The following FAM200B variants were observed in gnomAD, a reference collection of about 807,000 sequenced individuals.
FAM200B encodes the protein protein FAM200B.
In FAM200B, 32 loss-of-function variants were observed where a neutral mutation model predicts 33.1. The ratio of observed to expected loss-of-function variants is 0.97; its 90% CI spans 0.73 to 1.30. The LOEUF (loss-of-function observed/expected upper bound fraction) is 1.30. Ranked by LOEUF, FAM200B falls within the 50% of genes most tolerant of loss-of-function variation. FAM200B has a pLI of 0.00. For missense variants in FAM200B, 741 were observed against 754.0 expected, an observed-to-expected ratio of 0.98 and a Z score of 0.20; for synonymous variants, 240 against 264.8, an observed-to-expected ratio of 0.91 and a Z score of 0.91.
upstream of FAM200B, among the ~76,000 whole-genome samples, chr4:15,677,259 T>C (rs867309266): frequency 1.8e-4 from 28 of 152,232 alleles, no homozygotes; most frequent in African/African-American, 6.5e-4. Context: ...TACTCTTCTG[T>C]GGTATAATAA....
At chr4:15,683,861 T>G (rs1264968023) in intron 1 of FAM200B, among the ~76,000 whole-genome samples, 1 of 152,342 alleles carries the variant, frequency 6.6e-6, no homozygotes, top group East Asian at 1.9e-4. Flanking sequence ...ACTACAGGTG[T>G]CATTAATTTT....
the FAM200B span, among the ~76,000 whole-genome samples, chr4:15,650,629 T>C: frequency 4.6e-5 from 7 of 151,542 alleles, no homozygotes; most frequent in African/African-American, 1.7e-4. Flanking sequence ...CATGATATCT[T>C]CCACATTTTA....
rs1042398618 is a variant in FAM200B at position 15,687,720 on chromosome 4, C to T, written c.743C>T (p.Ala248Val). 4.0e-5 allele frequency: 62 copies of T among 1,550,708 alleles called. No individual in the cohort carries two copies. The highest frequency in any genetic ancestry group is 5.5e-5 in the African/African-American group (4 of 73,078). ...ACACTTTTAGTTTATGTCAGATATGCGTGGCAAGATGATTTTTTGGAGGAT... is the reference window on the plus strand; with the variant it reads ...ACACTTTTAGTTTATGTCAGATATGTGTGGCAAGATGATTTTTTGGAGGAT... The part of the protein sequence containing the change: ...CTTLLVYVRY[A>V]WQDDFLEDFL... The change falls in exon 2 of 2, where the codon GCG (alanine) becomes GTG (valine). Residue 248 changes from alanine (A) to valine (V), a missense_variant. By Grantham distance (64) the Ala-to-Val change is moderately conservative. Coordinates refer to ENST00000422728, the MANE Select transcript of FAM200B (RefSeq NM_001145191.2).
chr4:15,678,917 A>G (rs564367611), upstream of FAM200B, among the ~76,000 whole-genome samples: 1 of 152,306 alleles, frequency 6.6e-6, no homozygotes, highest in Middle Eastern at 3.4e-3. Flanking sequence ...AATTGATATA[A>G]TGAACAAATG....
the FAM200B span, among the ~76,000 whole-genome samples, chr4:15,667,338 T>C: frequency 1.3e-5 from 2 of 152,208 alleles, no homozygotes; most frequent in Admixed American, 6.5e-5. Context: ...AAGTTTTAAC[T>C]CATATTAAAC....
the FAM200B span, among the ~76,000 whole-genome samples, chr4:15,646,941 G>T: frequency 2.0e-5 from 3 of 151,896 alleles, no homozygotes; most frequent in Non-Finnish European, 4.4e-5. Flanking sequence ...GATTGAAAAA[G>T]GCTGGGCATG....
the FAM200B span, chr4:15,655,253 G>A: frequency 2.1e-6 from 3 of 1,443,844 alleles, no homozygotes; most frequent in African/African-American, 2.9e-5. Context: ...GTGTGGGGCG[G>A]TGAAGACGTC....
chr4:15,651,652 TTACTC>T, the FAM200B span, among the ~76,000 whole-genome samples: 2 of 152,200 alleles, frequency 1.3e-5, no homozygotes, highest in Non-Finnish European at 2.9e-5. Flanking sequence ...TATATTCAAA[TTACTC>T]TAAGCTTCTT....
chr4:15,655,073 G>A, the FAM200B span: 72,662 of 610,762 alleles, frequency 0.12, 4,731 homozygotes, highest in Non-Finnish European at 0.13. Context: ...GCTGACAGCT[G>A]CGCAGGCGGC....
chr4:15,680,096 C>T (rs116760799), upstream of FAM200B, among the ~76,000 whole-genome samples: 1,313 of 151,412 alleles, frequency 8.7e-3, 21 homozygotes, highest in Non-Finnish European at 0.012. Flanking sequence ...GGAGGAATAT[C>T]CAGAATATAC....
In FAM200B at chr4:15,687,048, C is replaced by T. The variant is rs1319608241; in HGVS notation, c.71C>T (p.Ser24Phe). ...TATACAGAAGCATGTTCAAGTTCAT[C>T]TGTTGAATCTGGAATTGTGAATAGT... ...VKYTEACSSSSVESGIVNSDN... is the reference protein window; with the variant it reads ...VKYTEACSSSFVESGIVNSDN... Residue 24 changes from serine to phenylalanine, a missense_variant, in exon 2 of 2, where the codon TCT (serine) becomes TTT (phenylalanine). By Grantham distance (155) the Ser-to-Phe change is radical. Transcript: ENST00000422728. 2 of 1,527,994 alleles carry T rather than the reference C, an allele frequency of 1.3e-6. No homozygotes were observed. The highest frequency in any genetic ancestry group is 2.0e-5 in the Admixed American group (1 of 48,784). The allele number at this position is 1,527,994 out of a possible 1,614,324, so 94.7% of individuals were successfully genotyped here.
chr4:15,651,079 T>C, the FAM200B span, among the ~76,000 whole-genome samples: 6 of 152,186 alleles, frequency 3.9e-5, no homozygotes, highest in Non-Finnish European at 7.3e-5. Context: ...AAAACACATA[T>C]ATTATTCCCC....
the FAM200B span, among the ~76,000 whole-genome samples, chr4:15,649,598 G>C: frequency 7.6e-6 from 1 of 130,948 alleles, no homozygotes; most frequent in African/African-American, 2.7e-5. Flanking sequence ...AAAAAAAAAA[G>C]AAAGAAAGAA....
Position 15,689,402 on chromosome 4 carries a change from A to C in FAM200B, c.*451A>C, listed in dbSNP as rs949927843. The C allele has an allele frequency of 1.8e-5, 3 of 167,448 alleles. No homozygotes were observed. Among genetic ancestry groups the C allele is most frequent in the Non-Finnish European group, 4.4e-5 (3 of 68,398 alleles). The allele number at this position is 167,448 out of a possible 1,614,324, so 10.4% of individuals were successfully genotyped here. On this transcript the variant is annotated 3_prime_UTR_variant, in exon 2 of 2. Coordinates refer to ENST00000422728, the MANE Select transcript of FAM200B (RefSeq NM_001145191.2). The stretch of plus-strand genomic sequence containing the variant: ...AACAGTTGAAGGGTTTAAGCGAAGG[A>C]GAGAAATGATCTGAGCTAGGTTTTA...
At chr4:15,655,722 C>T in the FAM200B span, among the ~76,000 whole-genome samples, 1 of 152,216 alleles carries the variant, frequency 6.6e-6, no homozygotes, top group Non-Finnish European at 1.5e-5. Flanking sequence ...GTCAGGGCCG[C>T]GAGCTCTGCT....
At position 15,688,806 on chromosome 4, in the gene FAM200B, T is replaced by C; in HGVS notation, c.1829T>C (p.Leu610Ser). 1 of 1,551,446 alleles carries C rather than the reference T, an allele frequency of 6.4e-7. No homozygotes were observed. Among genetic ancestry groups the C allele is most frequent in the East Asian group, 2.4e-5 (1 of 40,906 alleles). ...TTGCTACCATTCACAACAACTAGTT[T>C]GTGTGAACTAGGGTTTTCCATCTTA... Reference protein sequence around the residue: ...LLLLPFTTTSLCELGFSILTQ... With the variant: ...LLLLPFTTTSSCELGFSILTQ... The change falls in exon 2 of 2, where the codon TTG (leucine) becomes TCG (serine). Residue 610 changes from leucine to serine, a missense_variant. Coordinates refer to ENST00000422728, the MANE Select transcript of FAM200B (RefSeq NM_001145191.2).
Position 15,688,832 on chromosome 4 carries a change from A to G in FAM200B, c.1855A>G (p.Thr619Ala), listed in dbSNP as rs760865369. Residue 619 changes from threonine (T) to alanine (A), a missense_variant, in exon 2 of 2, where the codon ACG (threonine) becomes GCG (alanine). Transcript: ENST00000422728. ...GTGTGAACTAGGGTTTTCCATCTTA[A>G]CGCAGTTAAAAACAAAGGAAAGAAA... ...SLCELGFSIL[T>A]QLKTKERNGL... is the part of the protein sequence containing the mutation. 65 of 1,551,390 alleles carry G rather than the reference A, an allele frequency of 4.2e-5. No individual in the cohort carries two copies. The highest frequency in any genetic ancestry group is 5.9e-5 in the Admixed American group (3 of 50,984).
At chr4:15,672,994 T>G in the FAM200B span, among the ~76,000 whole-genome samples, 2 of 152,166 alleles carry the variant, frequency 1.3e-5, no homozygotes, top group Non-Finnish European at 2.9e-5. Flanking sequence ...CACTTCCAGA[T>G]TTTGTCACCC....
chr4:15,638,036 T>C, the FAM200B span, among the ~76,000 whole-genome samples: 9 of 151,212 alleles, frequency 6.0e-5, no homozygotes, highest in African/African-American at 2.2e-4. Context: ...AAATAATACA[T>C]AGGAAAGGAT....
Sources: gnomAD v4.1 joint callset for allele counts (sites outside exome capture counted in the v4.1 genomes callset) on GRCh38, gnomAD v4.1.1 for gene constraint, MANE v1.5 for transcripts, NCBI Gene and HGNC (gene_info 2026-07-23, HGNC 2026-07-21) for gene names.